The following EVI5 variants were observed in gnomAD, a reference collection of about 807,000 sequenced individuals.
EVI5 encodes ecotropic viral integration site 5 protein homolog.
Under a neutral mutation model 112.0 loss-of-function variants are expected in EVI5, and 73 were observed. The observed-to-expected ratio is 0.65, with a 90% CI of 0.54 to 0.79. The LOEUF is 0.79. EVI5 is among the 30% of genes least tolerant of loss of function. The probability of loss-of-function intolerance (pLI) is 0.00; values close to 1 mark genes in which losing one functional copy is unlikely to be tolerated. For synonymous variants in EVI5, 305 were observed against 319.9 expected (o/e 0.95, Z 0.50); for missense variants, 900 against 968.8 (o/e 0.93, Z 0.94).
rs148007806 is a variant in EVI5, at chr1:92,746,034, G to A, written c.-81-9407C>T. On this transcript the variant is annotated intron_variant, in intron 1 of 19. Coordinates refer to ENST00000684568, the MANE Select transcript of EVI5 (RefSeq NM_001350197.2). The stretch of plus-strand genomic sequence containing the variant: ...TAAGTTGGGTGTACAGTATACTTAC[G>A]TAATAAATAGCTGAGTCTCAATCAA... Among the ~76,000 whole-genome samples the A allele has an allele frequency of 4.5e-3, 687 of 152,250 alleles. 2 individuals are homozygous for A. The highest frequency in any genetic ancestry group is 7.0e-3 in the Non-Finnish European group (478 of 68,004).
At chr1:92,664,016 G>C (rs1664466408) in intron 11 of EVI5, among the ~76,000 whole-genome samples, 1 of 152,190 alleles carries the variant, frequency 6.6e-6, no homozygotes, top group Non-Finnish European at 1.5e-5. Context: ...CCGAAGTGCG[G>C]GGATCATAGG....
chr1:92,634,903 G>C (rs1326005564), intron 14 of EVI5, among the ~76,000 whole-genome samples: 1 of 152,172 alleles, frequency 6.6e-6, no homozygotes, highest in Non-Finnish European at 1.5e-5. Context: ...TACCAGTCAG[G>C]ACCCTTAGCT....
chr1:92,595,895 C>G (rs1164555978), intron 18 of EVI5, among the ~76,000 whole-genome samples: 1 of 152,062 alleles, frequency 6.6e-6, no homozygotes, highest in Non-Finnish European at 1.5e-5. Context: ...TGTCAATATG[C>G]TATTAAGAAA....
intron 13 of EVI5, among the ~76,000 whole-genome samples, chr1:92,651,782 C>T (rs1662142177): frequency 1.5e-5 from 2 of 137,550 alleles, no homozygotes; most frequent in East Asian, 2.1e-4. Flanking sequence ...ACCCGGGAGG[C>T]GGAGCTTGCA....
intron 19 of EVI5, among the ~76,000 whole-genome samples, chr1:92,530,155 A>G (rs1238358545): frequency 2.0e-5 from 3 of 152,174 alleles, no homozygotes; most frequent in Non-Finnish European, 4.4e-5. Flanking sequence ...GAGCAGGCAC[A>G]TGAACTATAC....
At position 92,512,666 on chromosome 1, in the gene EVI5, T is replaced by C. The variant is rs1384619105; in HGVS notation, c.*990A>G. 1.3e-5 allele frequency: 2 copies of C among 152,056 alleles called. No homozygotes were observed. The highest frequency in any genetic ancestry group is 6.6e-5 in the Admixed American group (1 of 15,256). The allele number at this position is 152,056 out of a possible 1,614,324, so 9.4% of individuals were successfully genotyped here. On this transcript the variant is annotated 3_prime_UTR_variant, in exon 20 of 20. Transcript: ENST00000684568. ...ACCTACTACTCTAGTAACCAACACA[T>C]GGAAGCATCATATGCACATAAAAGT...
chr1:92,524,862 G>A (rs1474666137), intron 19 of EVI5, among the ~76,000 whole-genome samples: 5 of 143,704 alleles, frequency 3.5e-5, no homozygotes, highest in Non-Finnish European at 7.5e-5. Flanking sequence ...AAGTCTCACT[G>A]TGTTCCAGGC....
At chr1:92,694,411 TCCAA>T in intron 7 of EVI5, 23 bp from the exon 8 acceptor site, 1 of 1,358,544 alleles carries the variant, frequency 7.4e-7, no homozygotes, top group Non-Finnish European at 1.0e-6. Context: ...ATTAAATAAA[TCCAA>T]ATTTATGTTA....
chr1:92,637,408 G>T, intron 13 of EVI5, among the ~76,000 whole-genome samples: 1 of 150,790 alleles, frequency 6.6e-6, no homozygotes. Context: ...GATATACATA[G>T]AAATAATTGC....
At chr1:92,784,647 G>C (rs1198678777) in intron 1 of EVI5, among the ~76,000 whole-genome samples, 189 bp downstream of exon 1, 2 of 151,998 alleles carry the variant, frequency 1.3e-5, no homozygotes, top group African/African-American at 4.8e-5. Flanking sequence ...GGCGGCGGCG[G>C]CGACAGGCGA....
At chr1:92,736,053 T>C (rs1214714336) in intron 2 of EVI5, among the ~76,000 whole-genome samples, 2 of 151,520 alleles carry the variant, frequency 1.3e-5, no homozygotes, top group East Asian at 3.8e-4. Flanking sequence ...ACAAATCAGA[T>C]ATCTATACTG....
At position 92,607,623 on chromosome 1, in the gene EVI5, T is replaced by C. The variant is rs749735615; in HGVS notation, c.1932A>G (p.Gln644=). The change falls in exon 17 of 20, where the codon CAA becomes CAG. Residue 644 remains glutamine (Q), a synonymous_variant. Coordinates refer to ENST00000684568, the MANE Select transcript of EVI5 (RefSeq NM_001350197.2). ...LSAQNKGLLT[Q]LSEAKRKQAE... ...CTTGTTTACGCTTTGCTTCACTTAA[T>C]TGAGTAAGGAGTCCTTTGTTCTGTG... 7 of 1,603,000 alleles carry C rather than the reference T, an allele frequency of 4.4e-6. No homozygotes were observed. Among genetic ancestry groups the C allele is most frequent in the Non-Finnish European group, 5.9e-6 (7 of 1,176,668 alleles).
intron 19 of EVI5, among the ~76,000 whole-genome samples, chr1:92,534,920 A>G (rs1350832466): frequency 1.3e-5 from 2 of 152,202 alleles, no homozygotes; most frequent in Non-Finnish European, 2.9e-5. Flanking sequence ...AAAATAGACA[A>G]ATGGGATCTA....
intron 14 of EVI5, among the ~76,000 whole-genome samples, chr1:92,627,555 C>T (rs1430729431): frequency 6.6e-6 from 1 of 152,136 alleles, no homozygotes; most frequent in Admixed American, 6.5e-5. Flanking sequence ...AGTGGGATTG[C>T]TGGATCAAAT....
At chr1:92,771,254 T>C (rs1249340185) in intron 1 of EVI5, among the ~76,000 whole-genome samples, 3 of 152,100 alleles carry the variant, frequency 2.0e-5, no homozygotes, top group African/African-American at 4.8e-5. Context: ...TTATGCAGAC[T>C]CTTCATCAGC....
chr1:92,672,899 T>C (rs971693853), intron 10 of EVI5, among the ~76,000 whole-genome samples: 2 of 152,222 alleles, frequency 1.3e-5, no homozygotes, highest in Admixed American at 6.5e-5. Flanking sequence ...ACAGTGTATA[T>C]ACTGAAGAAT....
At chr1:92,648,214 A>C (rs1436358359) in intron 13 of EVI5, among the ~76,000 whole-genome samples, 1 of 1,824 alleles carries the variant, frequency 5.5e-4, no homozygotes, top group Non-Finnish European at 9.9e-4. Context: ...AAAAAAAAAA[A>C]AAAACAAAAA....
At chr1:92,592,929 T>C (rs538864529) in intron 18 of EVI5, among the ~76,000 whole-genome samples, 23 of 152,320 alleles carry the variant, frequency 1.5e-4, no homozygotes, top group Non-Finnish European at 3.2e-4. Flanking sequence ...CAATAATTAA[T>C]AGCTTACCAA....
At chr1:92,767,983 G>A (rs1325080430) in intron 1 of EVI5, among the ~76,000 whole-genome samples, 7 of 151,408 alleles carry the variant, frequency 4.6e-5, no homozygotes, top group Non-Finnish European at 8.8e-5. Flanking sequence ...GGGAAGCTGA[G>A]GAAAGAGAAT....
Sources: allele counts gnomAD v4.1 joint callset (sites outside exome capture counted in the v4.1 genomes callset), GRCh38; gene constraint gnomAD v4.1.1; transcripts MANE v1.5; gene names NCBI Gene and HGNC (gene_info 2026-07-23, HGNC 2026-07-21).